Variants in DNAH14 observed in about 807,000 individuals in gnomAD.
DNAH14 encodes axonemal beta dynein heavy chain 14.
A neutral mutation model predicts 520.9 loss-of-function variants in DNAH14; 478 were observed. That is an observed-to-expected ratio of 0.92 (90% CI 0.85 to 0.99). The LOEUF is 0.99. Ranked by LOEUF, DNAH14 falls within the 50% of genes least tolerant of loss-of-function variation. The pLI is 0.00. For missense variants in DNAH14, 4,831 were observed against 5,234.5 expected (o/e 0.92, Z 2.38); for synonymous variants, 1,581 against 1,757.2 (o/e 0.90, Z 2.51).
chr1:225,125,203 G>A (rs1365716991), intron 27 of DNAH14, among the ~76,000 whole-genome samples: 1 of 152,148 alleles, frequency 6.6e-6, no homozygotes, highest in Non-Finnish European at 1.5e-5. Context: ...TTTCAAAACG[G>A]TAAGTGAGCA....
At chr1:225,303,101 T>C in intron 56 of DNAH14, 55 bp from the exon 57 acceptor site, 2 of 1,238,428 alleles carry the variant, frequency 1.6e-6, no homozygotes, top group South Asian at 3.5e-5. Context: ...TAATATAATA[T>C]TTTTTCAAAA....
chr1:225,339,241 G>T (rs1368928870), intron 68 of DNAH14, among the ~76,000 whole-genome samples: 3 of 149,794 alleles, frequency 2.0e-5, no homozygotes, highest in Admixed American at 1.3e-4. Flanking sequence ...AACCTGGGAG[G>T]CAGAGGTTGC....
chr1:225,374,688 G>T lies in DNAH14; in HGVS notation c.12319G>T (p.Val4107Phe). 6.5e-7 allele frequency: 1 copy of T among 1,543,372 alleles called. No individual in the cohort carries two copies. The highest frequency in any genetic ancestry group is 1.2e-5 in the South Asian group (1 of 82,886). Residue 4107 changes from valine to phenylalanine, a missense_variant and splice_region_variant, in exon 78 of 86, where the codon GTT becomes TTT. By Grantham distance (50) the Val-to-Phe change is conservative. Transcript: ENST00000682510. ...ATAAAGACTCATGGGTTTTCCAAAG[G>T]TTGCCATTAAGGTGTTGGAAAATTC... Reference protein sequence around the residue: ...AYKFNSSDLGVAIKVLENSLR... With the variant: ...AYKFNSSDLGFAIKVLENSLR...
chr1:225,232,274 T>TACACACACACACACAC lies in DNAH14; in HGVS notation c.6518+1124_6518+1125insCACACACACACACACA, dbSNP rs879274136. ...CATTATATATATAAACTGTGATATA[T>TACACACACACACACAC]ATATATACACACACACACACACACA... On this transcript the variant is annotated intron_variant, in intron 42 of 85. Coordinates refer to ENST00000682510, the MANE Select transcript of DNAH14 (RefSeq NM_001367479.1). This position sits in a 1 kb window ranked among gnomAD's most constrained non-coding sequence, Gnocchi z 4.2. 8.0e-5 allele frequency among the ~76,000 whole-genome samples: 11 copies of TACACACACACACACAC among 138,168 alleles called. No individual in the cohort carries two copies. The highest frequency in any genetic ancestry group is 5.0e-4 in the East Asian group (2 of 4,018). 90.6% of individuals were successfully genotyped at this position (138,168 alleles called of 152,430 possible).
At chr1:224,953,239 C>G (rs957925021) in intron 2 of DNAH14, among the ~76,000 whole-genome samples, 1 of 151,828 alleles carries the variant, frequency 6.6e-6, no homozygotes, top group Non-Finnish European at 1.5e-5. Flanking sequence ...TCTCCAACCT[C>G]AGCCCCCCGA....
chr1:224,937,632 A>T (rs1034226415), intron 1 of DNAH14, among the ~76,000 whole-genome samples: 1 of 152,128 alleles, frequency 6.6e-6, no homozygotes, highest in African/African-American at 2.4e-5. Flanking sequence ...ACCCAAAGCA[A>T]TTTACATATT....
At chr1:225,034,171 C>G (rs1314427087) in intron 11 of DNAH14, among the ~76,000 whole-genome samples, 4 of 152,076 alleles carry the variant, frequency 2.6e-5, no homozygotes, top group Admixed American at 2.0e-4. Flanking sequence ...TAGCTTTTGC[C>G]CATTCAGTAT....
At chr1:225,138,698 C>T (rs753496854) in intron 27 of DNAH14, among the ~76,000 whole-genome samples, 3 of 152,094 alleles carry the variant, frequency 2.0e-5, no homozygotes, top group Non-Finnish European at 2.9e-5. Flanking sequence ...CATGGTTTCC[C>T]GGGTGGGGTT....
chr1:225,024,101 A>G (rs1372128531), intron 11 of DNAH14: 79 of 1,107,588 alleles, frequency 7.1e-5, no homozygotes, highest in Non-Finnish European at 8.6e-5. Flanking sequence ...AAATAATTTT[A>G]GTATACTTCA....
chr1:225,207,776 A>G (rs1254021750), intron 41 of DNAH14, among the ~76,000 whole-genome samples: 5 of 152,162 alleles, frequency 3.3e-5, no homozygotes, highest in African/African-American at 1.2e-4. Flanking sequence ...GATTCATCAA[A>G]CCAATATAGA....
chr1:224,986,533 A>G (rs1262659438), intron 8 of DNAH14, among the ~76,000 whole-genome samples: 5 of 146,990 alleles, frequency 3.4e-5, no homozygotes, highest in Non-Finnish European at 5.9e-5. Flanking sequence ...TATGCAAAGC[A>G]ATCAATGTGA....
rs770320266 is a variant in DNAH14, at chr1:225,049,811, A to ATCTATCT, written c.1913-399_1913-398insTCTATCT. Among the ~76,000 whole-genome samples, 41 of 126,736 alleles carry ATCTATCT rather than the reference A, an allele frequency of 3.2e-4. No individual in the cohort carries two copies. In the South Asian group the frequency reaches 3.5e-3, roughly 11 times the overall value. The allele number at this position is 126,736 out of a possible 152,430, so 83.1% of individuals were successfully genotyped here. A position where few individuals can be genotyped will look rare whatever the true frequency, so the allele number is the denominator to read the frequency against. The stretch of plus-strand genomic sequence containing the variant: ...CTATCTATCTATCTATCTATCTATC[A>ATCTATCT]ATCATCTATCTATGCCTGTGGACAT... On this transcript the variant is annotated intron_variant, in intron 15 of 85. Transcript: ENST00000682510.
intron 54 of DNAH14, among the ~76,000 whole-genome samples, chr1:225,281,722 G>T (rs1269972648): frequency 6.6e-6 from 1 of 151,962 alleles, no homozygotes; most frequent in Admixed American, 6.6e-5. Flanking sequence ...CAAAAGAGGA[G>T]GGAGGAAATG....
chr1:225,274,963 C>T (rs2093430287), intron 52 of DNAH14, among the ~76,000 whole-genome samples: 1 of 152,228 alleles, frequency 6.6e-6, no homozygotes, highest in South Asian at 2.1e-4. Context: ...CTTTACATAT[C>T]ATTATTCACT....
chr1:225,324,327 T>C lies in DNAH14; in HGVS notation c.9601T>C (p.Leu3201=). 1 of 1,551,942 alleles carries C rather than the reference T, an allele frequency of 6.4e-7. No individual in the cohort carries two copies. Among genetic ancestry groups the C allele is most frequent in the Non-Finnish European group, 8.7e-7 (1 of 1,147,028 alleles). Residue 3201 remains leucine (L), a synonymous_variant, in exon 63 of 86, where the codon TTG becomes CTG. Transcript: ENST00000682510. ...CTCCCTGTGCCAGTGGGTTATAGCTTTGAATAACTACCATGAAGTACAGAA... is the reference window on the plus strand; with the variant it reads ...CTCCCTGTGCCAGTGGGTTATAGCTCTGAATAACTACCATGAAGTACAGAA... The part of the protein sequence containing the change: ...CCSLCQWVIA[L]NNYHEVQKVV...
chr1:225,003,641 T>C (rs764103089), intron 9 of DNAH14, among the ~76,000 whole-genome samples: 1 of 152,086 alleles, frequency 6.6e-6, no homozygotes, highest in Non-Finnish European at 1.5e-5. Context: ...AGATACATAG[T>C]AGGTGCTCAC....
intron 10 of DNAH14, among the ~76,000 whole-genome samples, chr1:225,023,051 G>C (rs1032928130): frequency 6.6e-6 from 1 of 152,084 alleles, no homozygotes; most frequent in Admixed American, 6.6e-5. Context: ...TTACACATGG[G>C]CAGGAAGATG....
chr1:225,282,415 T>C (rs2093646181), intron 54 of DNAH14, among the ~76,000 whole-genome samples: 1 of 152,226 alleles, frequency 6.6e-6, no homozygotes, highest in Non-Finnish European at 1.5e-5. Flanking sequence ...TATCAGAGCT[T>C]AGACCCTGTC....
chr1:225,064,263 C>T (rs770522023), intron 17 of DNAH14, among the ~76,000 whole-genome samples: 2 of 152,004 alleles, frequency 1.3e-5, no homozygotes, highest in African/African-American at 2.4e-5. Context: ...AATTAAAATA[C>T]TGACAATATC....
Sources: allele counts gnomAD v4.1 joint callset (sites outside exome capture counted in the v4.1 genomes callset), GRCh38; gene constraint gnomAD v4.1.1; non-coding constraint Gnocchi (gnomAD v3.1); transcripts MANE v1.5; gene names NCBI Gene and HGNC (gene_info 2026-07-23, HGNC 2026-07-21).